The following SYCE1L variants were observed in gnomAD, a reference collection of about 807,000 sequenced individuals.
SYCE1L encodes the protein synaptonemal complex central element protein 1 like.
A neutral mutation model predicts 39.6 loss-of-function variants in SYCE1L; 51 were observed. The observed-to-expected ratio is 1.29, with a 90% CI of 1.03 to 1.63. SYCE1L has a LOEUF of 1.63. SYCE1L is among the 40% of genes most tolerant of loss of function. The probability of loss-of-function intolerance (pLI) is 0.00; values close to 1 mark genes in which losing one functional copy is unlikely to be tolerated. For missense variants in SYCE1L, 426 were observed against 304.9 expected (o/e 1.40, Z -2.96); for synonymous variants, 147 against 122.4 (o/e 1.20, Z -1.33).
At chr16:77,208,768 C>T (rs542477424) in intron 4 of SYCE1L, among the ~76,000 whole-genome samples, 1 of 152,362 alleles carries the variant, frequency 6.6e-6, no homozygotes, top group Admixed American at 6.5e-5. Context: ...TGGTCATTCT[C>T]ACGCCCCTGG....
chr16:77,203,318 C>T (rs1177723457), intron 1 of SYCE1L, among the ~76,000 whole-genome samples: 1 of 151,944 alleles, frequency 6.6e-6, no homozygotes, highest in African/African-American at 2.4e-5. Context: ...TATTCTTCCA[C>T]ATTTGTTTAT....
At chr16:77,205,056 A>AAAG (rs1555502753) in intron 1 of SYCE1L, among the ~76,000 whole-genome samples, 2 of 140,668 alleles carry the variant, frequency 1.4e-5, no homozygotes, top group African/African-American at 2.7e-5. Flanking sequence ...AAAAAAAAAA[A>AAAG]AAAAGAAAAG....
chr16:77,210,565 A>G (rs1213947840), intron 6 of SYCE1L, among the ~76,000 whole-genome samples: 2 of 151,882 alleles, frequency 1.3e-5, no homozygotes, highest in Admixed American at 6.6e-5. Flanking sequence ...CCACCATTTT[A>G]CATATTAGGA....
chr16:77,208,842 T>G (rs564597376), intron 4 of SYCE1L, among the ~76,000 whole-genome samples: 1 of 152,356 alleles, frequency 6.6e-6, no homozygotes, highest in African/African-American at 2.4e-5. Context: ...TTTATAGCCA[T>G]CTTTCTCCTC....
chr16:77,200,034 AG>A, intron 1 of SYCE1L: 1 of 151,880 alleles, frequency 6.6e-6, no homozygotes, highest in African/African-American at 2.4e-5. Context: ...TCCATCCAAA[AG>A]AAAAAAAAAT....
intron 3 of SYCE1L, 90 bp downstream of exon 3, chr16:77,208,359 GC>G (rs2054800042): frequency 1.3e-6 from 2 of 1,539,428 alleles, no homozygotes; most frequent in Admixed American, 4.0e-5. Context: ...TAAAATCTAG[GC>G]CCCTCTAGGG....
chr16:77,212,190 C>G lies in SYCE1L; in HGVS notation c.484C>G (p.Leu162Val). The G allele has an allele frequency of 6.5e-7, 1 of 1,548,406 alleles. No individual in the cohort carries two copies. The highest frequency in any genetic ancestry group is 8.7e-7 in the Non-Finnish European group (1 of 1,146,176). ...RALERSKEQLLSERRLVRAKL... is the reference protein window; with the variant it reads ...RALERSKEQLVSERRLVRAKL... ...CCTGGAGAGAAGCAAGGAGCAGCTG[C>G]TCTCGGAGAGTGAGCCTCCCGCGCC... The change falls in exon 8 of 11, where the codon CTC becomes GTC. Residue 162 changes from leucine to valine, a missense_variant. Leu to Val is a conservative substitution (Grantham distance 32). Transcript: ENST00000378644.
At chr16:77,200,806 AT>A (rs1327850743) in intron 1 of SYCE1L, 1 of 151,940 alleles carries the variant, frequency 6.6e-6, no homozygotes, top group African/African-American at 2.4e-5. Context: ...GCAGTCATGC[AT>A]TTGTATGCCA....
intron 2 of SYCE1L, 106 bp from the exon 3 acceptor site, chr16:77,208,104 T>A (rs1302852223): frequency 1.7e-6 from 2 of 1,176,240 alleles, no homozygotes; most frequent in Non-Finnish European, 2.4e-6. Context: ...AGGCGCTCAA[T>A]ATATGCCGGT....
chr16:77,203,609 T>TTTTTTTA (rs2054762539), intron 1 of SYCE1L, among the ~76,000 whole-genome samples: 2 of 149,294 alleles, frequency 1.3e-5, no homozygotes, highest in Admixed American at 6.7e-5. Flanking sequence ...TTTTTTTTTT[T>TTTTTTTA]GAGATGTAGT....
intron 7 of SYCE1L, among the ~76,000 whole-genome samples, chr16:77,211,828 AGAAGGAAG>A (rs1340234844): frequency 1.3e-5 from 2 of 152,150 alleles, no homozygotes; most frequent in Non-Finnish European, 1.5e-5. Context: ...GTATCGGTGC[AGAAGGAAG>A]GCCCTGGGGC....
chr16:77,209,161 G>C lies in SYCE1L; in HGVS notation c.304+17G>C, dbSNP rs1335207517. 9 of 1,551,380 alleles carry C rather than the reference G, an allele frequency of 5.8e-6. No individual in the cohort carries two copies. In the Admixed American group the frequency reaches 1.8e-4, roughly 30 times the overall value. ...AAAAGCAAGGTATTTACCAGTTGCT[G>C]TGTCTTCCTTATTCTACTCTTCCAC... On this transcript the variant is annotated intron_variant, in intron 5 of 10. Coordinates refer to ENST00000378644, the MANE Select transcript of SYCE1L (RefSeq NM_001129979.3).
intron 1 of SYCE1L, among the ~76,000 whole-genome samples, chr16:77,204,757 G>A (rs1017441747): frequency 2.0e-5 from 3 of 152,034 alleles, no homozygotes; most frequent in African/African-American, 7.2e-5. Flanking sequence ...AGAAAATGTG[G>A]GATGTGGCCG....
chr16:77,201,069 T>C (rs1412137158), intron 1 of SYCE1L: 1 of 152,226 alleles, frequency 6.6e-6, no homozygotes, highest in Non-Finnish European at 1.5e-5. Flanking sequence ...TGACCTAGGA[T>C]GTGAGCTCCA....
intron 10 of SYCE1L, 63 bp downstream of exon 10, chr16:77,212,709 G>C: frequency 6.8e-7 from 1 of 1,460,148 alleles, no homozygotes. Context: ...AGCGGGCGGG[G>C]GTCCTGGGAG....
intron 10 of SYCE1L, 63 bp downstream of exon 10, chr16:77,212,709 G>T: frequency 6.8e-7 from 1 of 1,460,148 alleles, no homozygotes; most frequent in Non-Finnish European, 9.0e-7. Context: ...AGCGGGCGGG[G>T]GTCCTGGGAG....
At chr16:77,205,713 T>C (rs1386799069) in intron 1 of SYCE1L, among the ~76,000 whole-genome samples, 2 of 152,096 alleles carry the variant, frequency 1.3e-5, no homozygotes, top group Non-Finnish European at 2.9e-5. Flanking sequence ...TGAATTCATA[T>C]TTAGATGTGG....
intron 3 of SYCE1L, 36 bp from the exon 4 acceptor site, chr16:77,208,429 A>G (rs1455922662): frequency 1.4e-5 from 21 of 1,550,986 alleles, no homozygotes; most frequent in Non-Finnish European, 1.8e-5. Flanking sequence ...GCTAGAGACT[A>G]CACTCATACA....
At chr16:77,199,680 AG>A in intron 1 of SYCE1L, 168 bp downstream of exon 1, 1 of 586,768 alleles carries the variant, frequency 1.7e-6, no homozygotes, top group South Asian at 2.5e-5. Context: ...AGCACAGTGG[AG>A]ATAAATTAAC....
Sources: allele counts gnomAD v4.1 joint callset (sites outside exome capture counted in the v4.1 genomes callset), GRCh38; gene constraint gnomAD v4.1.1; transcripts MANE v1.5; gene names NCBI Gene and HGNC (gene_info 2026-07-23, HGNC 2026-07-21).